Variants in SPON1 observed in about 807,000 individuals in gnomAD.
SPON1 encodes spondin-1.
A neutral mutation model predicts 111.7 loss-of-function variants in SPON1; 52 were observed. The ratio of observed to expected loss-of-function variants is 0.47; its 90% confidence interval spans 0.37 to 0.59. The LOEUF is 0.59. Among genes scored for constraint, SPON1 ranks in the 20% least tolerant of loss-of-function variants. The probability of loss-of-function intolerance (pLI) is 0.00; values close to 1 mark genes in which losing one functional copy is unlikely to be tolerated. For synonymous variants in SPON1, 410 were observed against 395.8 expected (o/e 1.04, Z -0.43); for missense variants, 957 against 1,068.5 (o/e 0.90, Z 1.46).
At chr11:14,170,286 GCTCT>G (rs1238602141) in intron 6 of SPON1, among the ~76,000 whole-genome samples, 3 of 151,980 alleles carry the variant, frequency 2.0e-5, no homozygotes, top group Admixed American at 6.6e-5. Context: ...TCATGATTTG[GCTCT>G]CTGTTTGTCT....
At chr11:13,966,754 G>A (rs1848020682) in intron 1 of SPON1, among the ~76,000 whole-genome samples, 1 of 152,176 alleles carries the variant, frequency 6.6e-6, no homozygotes, top group African/African-American at 2.4e-5. Context: ...TGTTGGGTGG[G>A]TTGGTTTCAG....
intron 6 of SPON1, among the ~76,000 whole-genome samples, chr11:14,147,167 C>G (rs1347474247): frequency 6.6e-6 from 1 of 151,164 alleles, no homozygotes; most frequent in Admixed American, 6.6e-5. Flanking sequence ...GTAGCCGGGA[C>G]TATAGGCACC....
intron 6 of SPON1, among the ~76,000 whole-genome samples, chr11:14,214,701 G>T (rs930003948): frequency 1.3e-5 from 2 of 152,084 alleles, no homozygotes; most frequent in African/African-American, 4.8e-5. Context: ...TTTCAAGAGA[G>T]CCTCGGAGAA....
chr11:14,136,421 G>A (rs897768625), intron 6 of SPON1, among the ~76,000 whole-genome samples: 1 of 152,240 alleles, frequency 6.6e-6, no homozygotes, highest in Non-Finnish European at 1.5e-5. Flanking sequence ...GTCACTGAGA[G>A]GCTGTTGCCC....
At chr11:14,183,294 C>T (rs1304824194) in intron 6 of SPON1, among the ~76,000 whole-genome samples, 1 of 152,168 alleles carries the variant, frequency 6.6e-6, no homozygotes, top group Non-Finnish European at 1.5e-5. Context: ...TAGATTGTCT[C>T]AGTGTTCCTT....
At chr11:14,013,926 C>CG (rs1225316501) in intron 2 of SPON1, among the ~76,000 whole-genome samples, 2 of 152,068 alleles carry the variant, frequency 1.3e-5, no homozygotes, top group African/African-American at 4.8e-5. Context: ...TGTTTTGTAG[C>CG]GGGGAAAAAG....
chr11:14,122,460 A>G (rs1554926592), intron 5 of SPON1, among the ~76,000 whole-genome samples: 1 of 152,190 alleles, frequency 6.6e-6, no homozygotes, highest in African/African-American at 2.4e-5. Context: ...GGCGTGAGCC[A>G]CTGTGCCCGG....
chr11:14,138,141 C>G (rs1182982688), intron 6 of SPON1, among the ~76,000 whole-genome samples: 1 of 152,080 alleles, frequency 6.6e-6, no homozygotes, highest in East Asian at 1.9e-4. Flanking sequence ...GTCAAAGAAC[C>G]TGAGTCCAGC....
intron 3 of SPON1, among the ~76,000 whole-genome samples, chr11:14,056,343 G>A (rs1359447497): frequency 1.3e-5 from 2 of 152,196 alleles, no homozygotes; most frequent in Non-Finnish European, 2.9e-5. Context: ...AGATCATCAT[G>A]TAGATGTTTC....
In SPON1 at chr11:14,075,352, A is replaced by G; in HGVS notation, c.487A>G (p.Ile163Val). 6.4e-7 allele frequency: 1 copy of G among 1,558,342 alleles called. No homozygotes were observed. The highest frequency in any genetic ancestry group is 8.7e-7 in the Non-Finnish European group (1 of 1,149,954). Residue 163 changes from isoleucine to valine, a missense_variant, in exon 4 of 16, where the codon ATC becomes GTC. By Grantham distance (29) the Ile-to-Val change is conservative. This residue lies in a region of SPON1 where 262 missense variants were observed against 253.9 expected (regional missense o/e 1.03). Coordinates refer to ENST00000576479, the MANE Select transcript of SPON1 (RefSeq NM_006108.4). The part of the protein sequence containing the change: ...GTGCVILKAS[I>V]VQKRIIYFQD... ...GGTCTTCTTTCTTCACAGGGCCAGC[A>G]TCGTACAAAAACGCATTATTTATTT...
chr11:14,213,254 G>C (rs1554936886), intron 6 of SPON1, among the ~76,000 whole-genome samples: 1 of 152,148 alleles, frequency 6.6e-6, no homozygotes, highest in African/African-American at 2.4e-5. Flanking sequence ...AGACACTGTA[G>C]AAAAAATGGT....
intron 6 of SPON1, among the ~76,000 whole-genome samples, chr11:14,241,014 T>C (rs1848920106): frequency 6.6e-6 from 1 of 152,130 alleles, no homozygotes; most frequent in African/African-American, 2.4e-5. Flanking sequence ...TTTAAAGTCA[T>C]GGTACAGAAC....
At chr11:14,252,244 G>T (rs1190781886) in intron 7 of SPON1, among the ~76,000 whole-genome samples, 1 of 152,280 alleles carries the variant, frequency 6.6e-6, no homozygotes, top group Non-Finnish European at 1.5e-5. Flanking sequence ...CATTCATGGG[G>T]TCTGGCTATG....
rs74409022 is a variant in SPON1 at position 14,255,243 on chromosome 11, C to T, written c.1093-404C>T. Among the ~76,000 whole-genome samples the T allele has an allele frequency of 1.8e-4, 27 of 152,292 alleles. No individual in the cohort carries two copies. In the East Asian group the frequency reaches 5.0e-3, roughly 28 times the overall value. On this transcript the variant is annotated intron_variant, in intron 8 of 15. Coordinates refer to ENST00000576479, the MANE Select transcript of SPON1 (RefSeq NM_006108.4). ...TTATCTGCGGCTGTTTTCTCACTACCACAGCTGAGTTGAATATTAGCAACA... is the reference window on the plus strand; with the variant it reads ...TTATCTGCGGCTGTTTTCTCACTACTACAGCTGAGTTGAATATTAGCAACA...
chr11:14,236,861 C>T (rs575538389), intron 6 of SPON1, among the ~76,000 whole-genome samples: 71 of 152,306 alleles, frequency 4.7e-4, no homozygotes, highest in Non-Finnish European at 9.0e-4. Flanking sequence ...GGCTTTGGCA[C>T]GGAGAGGTCA....
chr11:14,027,007 G>A (rs1236587258), intron 2 of SPON1, among the ~76,000 whole-genome samples: 1 of 152,188 alleles, frequency 6.6e-6, no homozygotes, highest in African/African-American at 2.4e-5. Flanking sequence ...GGAGAGGCAA[G>A]ATGATAAGCT....
chr11:14,174,761 A>G (rs1363951268), intron 6 of SPON1, among the ~76,000 whole-genome samples: 1 of 152,158 alleles, frequency 6.6e-6, no homozygotes, highest in Non-Finnish European at 1.5e-5. Context: ...AAAAACATAA[A>G]GGCCTTTTAA....
intron 6 of SPON1, among the ~76,000 whole-genome samples, chr11:14,232,341 G>T (rs1554938828): frequency 1.3e-5 from 2 of 152,054 alleles, no homozygotes; most frequent in Non-Finnish European, 2.9e-5. Flanking sequence ...CTTCTGTTCA[G>T]GGCTCATTCT....
intron 2 of SPON1, among the ~76,000 whole-genome samples, chr11:14,029,103 C>T (rs1391302253): frequency 6.7e-6 from 1 of 149,088 alleles, no homozygotes; most frequent in Non-Finnish European, 1.5e-5. Flanking sequence ...AGGACTACAC[C>T]ATGATTCAGG....
Sources: allele counts gnomAD v4.1 joint callset (sites outside exome capture counted in the v4.1 genomes callset), GRCh38; gene constraint gnomAD v4.1.1; regional missense constraint gnomAD v4.1.1; transcripts MANE v1.5; gene names NCBI Gene and HGNC (gene_info 2026-07-23, HGNC 2026-07-21).